The following COLEC10 variants were observed in gnomAD, a reference collection of about 807,000 sequenced individuals.
COLEC10 encodes collectin subfamily member 10.
COLEC10 carries 22 observed loss-of-function variants against 28.4 expected under a neutral mutation model. The ratio of observed to expected loss-of-function variants is 0.78; its 90% CI spans 0.55 to 1.11. COLEC10 has a LOEUF of 1.11. Ranked by LOEUF, COLEC10 falls within the 50% of genes least tolerant of loss-of-function variation. The pLI, the probability that COLEC10 is intolerant of heterozygous loss-of-function variation, is 0.00. For missense variants in COLEC10, 361 were observed against 344.1 expected (o/e 1.05, Z -0.39); for synonymous variants, 125 against 116.1 (o/e 1.08, Z -0.49).
intron 2 of COLEC10, among the ~76,000 whole-genome samples, chr8:119,024,971 C>CCACCCAGTTA (rs1445003554): frequency 1.3e-4 from 20 of 152,186 alleles, no homozygotes; most frequent in African/African-American, 4.8e-4. Flanking sequence ...GTAATTCCCT[C>CCACCCAGTTA]CACCCAGTTA....
At chr8:119,018,345 C>T (rs1814030515) in intron 2 of COLEC10, among the ~76,000 whole-genome samples, 1 of 152,134 alleles carries the variant, frequency 6.6e-6, no homozygotes, top group South Asian at 2.1e-4. Context: ...TTGATGGTTT[C>T]TCAACTAATT....
At chr8:118,993,292 A>G (rs1278153526), upstream of COLEC10, among the ~76,000 whole-genome samples, 1 of 151,784 alleles carries the variant, frequency 6.6e-6, no homozygotes, top group Non-Finnish European at 1.5e-5. Flanking sequence ...TTGTACATAG[A>G]TGTCTTTTCT....
At chr8:119,036,620 A>C (rs1305443678) in intron 2 of COLEC10, among the ~76,000 whole-genome samples, 1 of 152,210 alleles carries the variant, frequency 6.6e-6, no homozygotes, top group Non-Finnish European at 1.5e-5. Flanking sequence ...TATCAATGTT[A>C]GCAGAATAAG....
chr8:118,978,139 T>G, the COLEC10 span, among the ~76,000 whole-genome samples: 2 of 152,130 alleles, frequency 1.3e-5, no homozygotes, highest in Admixed American at 6.6e-5. Flanking sequence ...TAAAATCAAG[T>G]TCATTGTTTC....
upstream of COLEC10, chr8:118,995,378 C>T (rs1485238127): frequency 2.0e-5 from 3 of 152,156 alleles, no homozygotes; most frequent in Non-Finnish European, 2.9e-5. Flanking sequence ...GGTAACATCA[C>T]GTCAGTGCAT....
intron 2 of COLEC10, among the ~76,000 whole-genome samples, chr8:119,015,557 C>A (rs1252870217): frequency 6.6e-6 from 1 of 152,088 alleles, no homozygotes; most frequent in Admixed American, 6.6e-5. Context: ...ATGTAAAACA[C>A]AAAATATATT....
At chr8:119,001,278 A>C (rs1476318181) in intron 1 of COLEC10, among the ~76,000 whole-genome samples, 2 of 152,200 alleles carry the variant, frequency 1.3e-5, no homozygotes, top group Non-Finnish European at 2.9e-5. Flanking sequence ...AAGGAGAATA[A>C]AAACAAAAGG....
At chr8:118,961,972 G>C in the COLEC10 span, among the ~76,000 whole-genome samples, 2 of 152,238 alleles carry the variant, frequency 1.3e-5, no homozygotes, top group Non-Finnish European at 2.9e-5. Context: ...GTTCTCCAAG[G>C]CCTACTTGTC....
intron 1 of COLEC10, among the ~76,000 whole-genome samples, chr8:119,085,599 C>CTTTTTTTTTTTTTTTTTTTTT (rs66829005): frequency 9.1e-4 from 58 of 63,542 alleles, no homozygotes; most frequent in East Asian, 1.8e-3. Flanking sequence ...TCTTCTTCTT[C>CTTTTTTTTTTTTTTTTTTTTT]TTTTTTTTTT....
rs1184318557 is a variant in COLEC10, at chr8:119,010,912, T to C, written n.235+1359T>C. On this transcript the variant is annotated intron_variant and non_coding_transcript_variant, in intron 2 of 6. Coordinates refer to the COLEC10 transcript ENST00000521788. ...ATTTTGGATAACAGTCCTTATAAGA[T>C]ATGTCTTACGTCTTTCTCTCAGTGT... Among the ~76,000 whole-genome samples the C allele has an allele frequency of 2.6e-5, 4 of 151,102 alleles. 1 individual carries two copies. The highest frequency in any genetic ancestry group is 4.9e-5 in the African/African-American group (2 of 40,480).
chr8:119,060,500 C>T (rs979559101), intron 2 of COLEC10, among the ~76,000 whole-genome samples: 6 of 152,038 alleles, frequency 3.9e-5, no homozygotes, highest in Non-Finnish European at 8.8e-5. Context: ...TATCTGAGTA[C>T]AAGACTGAGA....
chr8:118,971,038 T>A, the COLEC10 span, among the ~76,000 whole-genome samples: 1 of 151,992 alleles, frequency 6.6e-6, no homozygotes, highest in African/African-American at 2.4e-5. Context: ...TAAAAACACG[T>A]GACTTAAGGT....
upstream of COLEC10, among the ~76,000 whole-genome samples, chr8:118,991,343 C>T (rs2130037656): frequency 6.6e-6 from 1 of 152,236 alleles, no homozygotes; most frequent in African/African-American, 2.4e-5. Context: ...CATCAAGTTG[C>T]TGTGAAGATC....
In COLEC10 at chr8:119,014,953, G is replaced by A. The variant is rs527866287; in HGVS notation, n.235+5400G>A. Reference sequence around the variant, plus strand: ...GAATTTCCATCTCTCCACTTACGTTGCACAACTCTTCCTGTATGTTGCTTA... The same window carrying A: ...GAATTTCCATCTCTCCACTTACGTTACACAACTCTTCCTGTATGTTGCTTA... On this transcript the variant is annotated intron_variant and non_coding_transcript_variant, in intron 2 of 6. Transcript: ENST00000521788. Among the ~76,000 whole-genome samples, 25 of 150,880 alleles carry A rather than the reference G, an allele frequency of 1.7e-4. 4 individuals carry two copies. Among genetic ancestry groups the A allele is most frequent in the African/African-American group, 6.2e-4 (25 of 40,362 alleles).
chr8:118,960,918 C>G, the COLEC10 span, among the ~76,000 whole-genome samples: 15 of 151,434 alleles, frequency 9.9e-5, no homozygotes, highest in African/African-American at 3.6e-4. Context: ...TGTTTGGAAA[C>G]AGAATCTGCT....
intron 2 of COLEC10, among the ~76,000 whole-genome samples, chr8:119,053,601 C>T (rs755350956): frequency 2.0e-5 from 3 of 151,618 alleles, no homozygotes; most frequent in South Asian, 2.1e-4. Flanking sequence ...AAGTCAGTTA[C>T]TAAACTCTTC....
At chr8:119,085,805 A>G (rs1372160142) in intron 1 of COLEC10, among the ~76,000 whole-genome samples, 1 of 151,498 alleles carries the variant, frequency 6.6e-6, no homozygotes, top group African/African-American at 2.4e-5. Context: ...CTTAGTAGAG[A>G]CAGGGTTTCA....
intron 1 of COLEC10, chr8:119,068,701 A>T (rs1815022985): frequency 6.6e-6 from 1 of 152,126 alleles, no homozygotes; most frequent in Non-Finnish European, 1.5e-5. Context: ...AACTTCAAAC[A>T]GTGGAAATCT....
chr8:119,085,052 T>A (rs1815444861), intron 1 of COLEC10, among the ~76,000 whole-genome samples: 1 of 152,314 alleles, frequency 6.6e-6, no homozygotes, highest in East Asian at 1.9e-4. Flanking sequence ...TCCACAGCAA[T>A]CCTATGAGGT....
Sources: allele counts gnomAD v4.1 joint callset (sites outside exome capture counted in the v4.1 genomes callset), GRCh38; gene constraint gnomAD v4.1.1; transcripts MANE v1.5; gene names NCBI Gene and HGNC (gene_info 2026-07-23, HGNC 2026-07-21).